USF2: variants seen among roughly 807,000 people sequenced by gnomAD.
USF2 encodes the protein upstream stimulatory factor 2.
USF2 carries 16 observed loss-of-function variants against 46.9 expected under a neutral mutation model. That is an observed-to-expected ratio of 0.34 (90% CI 0.23 to 0.52). The LOEUF is 0.52. Ranked by LOEUF, USF2 falls within the 20% of genes least tolerant of loss-of-function variation. The probability of loss-of-function intolerance (pLI) is 0.96; values close to 1 mark genes in which losing one functional copy is unlikely to be tolerated. For synonymous variants in USF2, 239 were observed against 194.1 expected, an observed-to-expected ratio of 1.23 and a Z score of -1.92; for missense variants, 411 against 474.0, an observed-to-expected ratio of 0.87 and a Z score of 1.23.
intron 7 of USF2, among the ~76,000 whole-genome samples, chr19:35,272,207 T>A: frequency 6.6e-6 from 1 of 152,036 alleles, no homozygotes; most frequent in East Asian, 1.9e-4. Context: ...CAGCAGATGA[T>A]AGGACAGACA....
intron 7 of USF2, among the ~76,000 whole-genome samples, chr19:35,274,902 A>G (rs1468084725): frequency 6.6e-6 from 1 of 152,234 alleles, no homozygotes; most frequent in Non-Finnish European, 1.5e-5. Flanking sequence ...CTGCCCTGTC[A>G]GAATCTAGGG....
chr19:35,271,178 CCACCCTCACAGGCTCAGCCAGCCCT>C (rs2066151142), intron 7 of USF2, 37 bp downstream of exon 7: 1 of 1,612,856 alleles, frequency 6.2e-7, no homozygotes, highest in Non-Finnish European at 8.5e-7. Flanking sequence ...CCCCTGACCA[CCACCCTCACAGGCTCAGCCAGCCCT>C]GGAGTGTGGA....
intron 7 of USF2, 137 bp from the exon 8 acceptor site, chr19:35,278,561 C>T (rs1228718969): frequency 1.1e-6 from 1 of 892,292 alleles, no homozygotes; most frequent in Non-Finnish European, 1.7e-6. Context: ...GGTGCGGCCC[C>T]TCACTTCCCA....
At chr19:35,270,146 C>A in intron 4 of USF2, 143 bp downstream of exon 4, 1 of 1,054,152 alleles carries the variant, frequency 9.5e-7, no homozygotes, top group Non-Finnish European at 1.3e-6. Context: ...GGCCAGATCC[C>A]TGTTGTGCAC....
intron 4 of USF2, 43 bp downstream of exon 4, chr19:35,270,046 A>G (rs950250206): frequency 8.9e-6 from 12 of 1,348,476 alleles, no homozygotes; most frequent in Non-Finnish European, 1.1e-5. Context: ...GAGGGAGTGG[A>G]GAGGGGACAC....
In USF2 at chr19:35,269,932, G is replaced by A; in HGVS notation, c.358G>A (p.Asp120Asn). ...GQQAVTQVGV[D>N]GAAQRPGPAA... Reference sequence around the variant, plus strand: ...GCAGGCTGTGACCCAGGTGGGTGTGGACGGGGCAGCCCAGCGCCCGGGCCC... The same window carrying A: ...GCAGGCTGTGACCCAGGTGGGTGTGAACGGGGCAGCCCAGCGCCCGGGCCC... Residue 120 changes from aspartate to asparagine, a missense_variant, in exon 4 of 10, where the codon GAC becomes AAC. This residue lies in a region of USF2 where 318 missense variants were observed against 322.4 expected (regional missense o/e 0.99). Transcript: ENST00000222305. 7.3e-7 allele frequency: 1 copy of A among 1,361,282 alleles called. No homozygotes were observed. Among genetic ancestry groups the A allele is most frequent in the South Asian group, 1.8e-5 (1 of 55,260 alleles). The allele number at this position is 1,361,282 out of a possible 1,614,324, so 84.3% of individuals were successfully genotyped here.
intron 7 of USF2, among the ~76,000 whole-genome samples, chr19:35,271,913 G>A (rs977343929): frequency 6.6e-6 from 1 of 152,196 alleles, no homozygotes; most frequent in Non-Finnish European, 1.5e-5. Context: ...GGGTGGGCTG[G>A]GGTGACGCTT....
intron 7 of USF2, among the ~76,000 whole-genome samples, chr19:35,272,937 A>T (rs2145575270): frequency 6.6e-6 from 1 of 151,476 alleles, no homozygotes; most frequent in South Asian, 2.1e-4. Context: ...TAATCTCCGT[A>T]CCTGTCTTCC....
chr19:35,278,559 C>T, intron 7 of USF2, 139 bp from the exon 8 acceptor site: 4 of 856,900 alleles, frequency 4.7e-6, no homozygotes, highest in South Asian at 1.6e-5. Flanking sequence ...AGGGTGCGGC[C>T]CCTCACTTCC....
intron 5 of USF2, 59 bp from the exon 6 acceptor site, chr19:35,270,659 C>G: frequency 6.2e-7 from 1 of 1,610,918 alleles, no homozygotes; most frequent in Non-Finnish European, 8.5e-7. Flanking sequence ...GGAGGGAAGC[C>G]CCCCCAGCCA....
intron 1 of USF2, 22 bp from the exon 2 acceptor site, chr19:35,269,424 C>G (rs768882054): frequency 1.3e-6 from 2 of 1,484,662 alleles, no homozygotes; most frequent in Middle Eastern, 4.9e-4. Flanking sequence ...GCTGACCCTG[C>G]TCCCTCCTGT....
chr19:35,278,931 C>T lies in USF2; in HGVS notation c.823-15C>T, dbSNP rs1273007745. The T allele has an allele frequency of 1.3e-6, 2 of 1,557,208 alleles. No individual in the cohort carries two copies. The highest frequency in any genetic ancestry group is 1.2e-5 in the South Asian group (1 of 81,762). Reference sequence around the variant, plus strand: ...CGGTGCCTGCCCTAAGGCTCCTGGTCCCCTCGCCCCCCAGAGTAAAGGAGG... The same window carrying T: ...CGGTGCCTGCCCTAAGGCTCCTGGTTCCCTCGCCCCCCAGAGTAAAGGAGG... On this transcript the variant is annotated splice_polypyrimidine_tract_variant and intron_variant, in intron 8 of 9. Transcript: ENST00000222305.
At chr19:35,269,420 C>T (rs1450494883) in intron 1 of USF2, 26 bp from the exon 2 acceptor site, 4 of 1,466,112 alleles carry the variant, frequency 2.7e-6, no homozygotes, top group Admixed American at 2.4e-5. Flanking sequence ...CCGCGCTGAC[C>T]CTGCTCCCTC....
At chr19:35,277,846 C>G (rs2066255726) in intron 7 of USF2, 1 of 152,224 alleles carries the variant, frequency 6.6e-6, no homozygotes, top group Non-Finnish European at 1.5e-5. Flanking sequence ...TCAGGGGTCT[C>G]AGGCTCCGCA....
chr19:35,270,768 CAG>C lies in USF2; in HGVS notation c.634_635del (p.Arg212AspfsTer14). The C allele has an allele frequency of 6.2e-7, 1 of 1,614,046 alleles. No homozygotes were observed. Among genetic ancestry groups the C allele is most frequent in the Non-Finnish European group, 8.5e-7 (1 of 1,180,010 alleles). Reference protein sequence around the residue: ...TPQDVLQTGTQRTIAPRTHPY... With the variant: ...TPQDVLQTGTXRTIAPRTHPY... ...CCAGGATGTGCTTCAGACAGGAACA[CAG>C]AGGACGATCGCCCCCCGGACACACC... On this transcript the variant is annotated frameshift_variant, in exon 6 of 10. Transcript: ENST00000222305. LOFTEE classifies it high-confidence loss of function.
chr19:35,279,557 C>G lies in USF2; in HGVS notation c.*301C>G, dbSNP rs888429081. ...AGGCAAGAGGGAGGGGACAGAGGCC[C>G]TGCCACGTCCCGCTGCCTCCTGCTC... On this transcript the variant is annotated 3_prime_UTR_variant, in exon 10 of 10. Transcript: ENST00000222305. 2.8e-6 allele frequency: 1 copy of G among 359,748 alleles called. No individual in the cohort carries two copies. The highest frequency in any genetic ancestry group is 5.0e-6 in the Non-Finnish European group (1 of 200,304). The allele number at this position is 359,748 out of a possible 1,614,324, so 22.3% of individuals were successfully genotyped here.
In USF2 at chr19:35,279,282, G is replaced by A. The variant is rs573164342; in HGVS notation, c.*26G>A. On this transcript the variant is annotated 3_prime_UTR_variant, in exon 10 of 10. Transcript: ENST00000222305. ...CGCCCGCCACCACCACGCAGCCGCC[G>A]CCGCCCACGCCGGCCTCTGCTGCCC... 1.1e-5 allele frequency: 16 copies of A among 1,476,748 alleles called. No homozygotes were observed. Among genetic ancestry groups the A allele is most frequent in the Middle Eastern group, 2.2e-4 (1 of 4,482 alleles). The allele number at this position is 1,476,748 out of a possible 1,614,324, so 91.5% of individuals were successfully genotyped here.
chr19:35,274,364 G>A (rs1474161217), intron 7 of USF2, among the ~76,000 whole-genome samples: 1 of 152,168 alleles, frequency 6.6e-6, no homozygotes, highest in Non-Finnish European at 1.5e-5. Context: ...CTTCTGTGGT[G>A]ATTTCAGATC....
chr19:35,279,393 G>A lies in USF2; in HGVS notation c.*137G>A. ...TAGTAGATTTTTAACAAAAAACGGGGAGAAATAATGCATTTCTGTGGATAC... is the reference window on the plus strand; with the variant it reads ...TAGTAGATTTTTAACAAAAAACGGGAAGAAATAATGCATTTCTGTGGATAC... On this transcript the variant is annotated 3_prime_UTR_variant, in exon 10 of 10. Transcript: ENST00000222305. 2 of 953,332 alleles carry A rather than the reference G, an allele frequency of 2.1e-6. No individual in the cohort carries two copies. Among genetic ancestry groups the A allele is most frequent in the South Asian group, 1.9e-5 (1 of 51,844 alleles). 59.1% of individuals were successfully genotyped at this position (953,332 alleles called of 1,614,324 possible). A position where few individuals can be genotyped will look rare whatever the true frequency, so the allele number is the denominator to read the frequency against.
Sources: gnomAD v4.1 joint callset for allele counts (sites outside exome capture counted in the v4.1 genomes callset) on GRCh38, gnomAD v4.1.1 for gene constraint, gnomAD v4.1.1 regional missense constraint, MANE v1.5 for transcripts, NCBI Gene and HGNC (gene_info 2026-07-23, HGNC 2026-07-21) for gene names.